Variants in MYLK4 observed in about 807,000 individuals in gnomAD.
MYLK4 encodes the protein caMLCK like.
Under a neutral mutation model 48.1 loss-of-function variants are expected in MYLK4, and 46 were observed. The ratio of observed to expected loss-of-function variants is 0.96; its 90% CI spans 0.75 to 1.22. The LOEUF is 1.22. MYLK4 is among the 50% of genes most tolerant of loss of function. The pLI is 0.00. For synonymous variants in MYLK4, 170 were observed against 180.8 expected, an observed-to-expected ratio of 0.94 and a Z score of 0.48; for missense variants, 451 against 486.1, an observed-to-expected ratio of 0.93 and a Z score of 0.68.
At chr6:2,734,858 C>T (rs1335869160) in intron 2 of MYLK4, among the ~76,000 whole-genome samples, 1 of 152,144 alleles carries the variant, frequency 6.6e-6, no homozygotes, top group Non-Finnish European at 1.5e-5. Flanking sequence ...ATGAGTCATT[C>T]AGGAACCCTG....
chr6:2,702,829 A>G (rs919250404), intron 2 of MYLK4, among the ~76,000 whole-genome samples: 7 of 152,204 alleles, frequency 4.6e-5, no homozygotes, highest in African/African-American at 1.7e-4. Context: ...CAGCTAGTAC[A>G]TACCCTCCAA....
At chr6:2,739,393 A>G (rs1763812310) in intron 2 of MYLK4, among the ~76,000 whole-genome samples, 1 of 152,168 alleles carries the variant, frequency 6.6e-6, no homozygotes, top group Admixed American at 6.5e-5. Flanking sequence ...CTTTTCCCGG[A>G]CTTTCAGTTT....
chr6:2,668,234 G>T (rs1014877070), intron 12 of MYLK4, among the ~76,000 whole-genome samples: 1 of 152,002 alleles, frequency 6.6e-6, no homozygotes, highest in Non-Finnish European at 1.5e-5. Flanking sequence ...TCTTTGTTTC[G>T]TCTGAAGTAC....
chr6:2,694,531 TAGTA>T (rs1761964841), intron 2 of MYLK4, among the ~76,000 whole-genome samples: 1 of 102,256 alleles, frequency 9.8e-6, no homozygotes, highest in Non-Finnish European at 2.1e-5. Context: ...GTGGTGGTGG[TAGTA>T]GTGTTGGTTG....
At chr6:2,686,215 C>T (rs1761541539) in intron 4 of MYLK4, among the ~76,000 whole-genome samples, 2 of 152,346 alleles carry the variant, frequency 1.3e-5, no homozygotes, top group South Asian at 2.1e-4. Context: ...CATATGCACC[C>T]TCACATTTGA....
intron 3 of MYLK4, 141 bp downstream of exon 3, chr6:2,692,641 AAG>A (rs1491391512): frequency 0.058 from 17,896 of 308,260 alleles, 79 homozygotes; most frequent in South Asian, 0.12. Context: ...AAAAAAAAAA[AAG>A]GGGGGGGGGG....
At chr6:2,715,467 T>C (rs1762834856) in intron 2 of MYLK4, among the ~76,000 whole-genome samples, 1 of 152,202 alleles carries the variant, frequency 6.6e-6, no homozygotes, top group Non-Finnish European at 1.5e-5. Context: ...ATGTTGCTGT[T>C]TGGAACCTTT....
intron 4 of MYLK4, among the ~76,000 whole-genome samples, chr6:2,686,799 C>T (rs1171459212): frequency 6.6e-6 from 1 of 152,236 alleles, no homozygotes; most frequent in Non-Finnish European, 1.5e-5. Context: ...CAATTCCAAC[C>T]TCTGCTCCAG....
In MYLK4 at chr6:2,683,177, G is replaced by C. The variant is rs528012689; in HGVS notation, c.546-15C>G. On this transcript the variant is annotated splice_polypyrimidine_tract_variant and intron_variant, in intron 6 of 12. Coordinates refer to ENST00000274643, the MANE Select transcript of MYLK4 (RefSeq NM_001012418.5). ...CACCATCCACACTGCAGAGGGAAGA[G>C]GACTGAAACCCTCAGTCCCGATTTC... 9.2e-5 allele frequency: 148 copies of C among 1,614,000 alleles called. 1 individual carries two copies. The South Asian group carries it at 1.5e-3, about 17-fold the overall frequency.
chr6:2,763,663 C>T, the MYLK4 span, among the ~76,000 whole-genome samples: 2 of 152,382 alleles, frequency 1.3e-5, no homozygotes, highest in East Asian at 1.9e-4. Context: ...CATACTTCCC[C>T]ACAAGCTGAG....
At chr6:2,765,206 C>CCCCCG in the MYLK4 span, among the ~76,000 whole-genome samples, 1 of 86,288 alleles carries the variant, frequency 1.2e-5, no homozygotes, top group Admixed American at 1.4e-4. Context: ...CCCTCCCCCG[C>CCCCCG]CCCCGCAAAG....
intron 2 of MYLK4, among the ~76,000 whole-genome samples, chr6:2,733,364 C>T (rs928422253): frequency 6.6e-6 from 1 of 152,134 alleles, no homozygotes; most frequent in African/African-American, 2.4e-5. Context: ...AACTACAGTC[C>T]CTACAGTTTT....
the MYLK4 span, among the ~76,000 whole-genome samples, chr6:2,762,174 T>C: frequency 9.9e-5 from 15 of 152,186 alleles, no homozygotes; most frequent in Non-Finnish European, 2.1e-4. Context: ...CCTCCCAAAC[T>C]GCTGGGATTA....
the MYLK4 span, among the ~76,000 whole-genome samples, chr6:2,760,629 A>T: frequency 6.6e-6 from 1 of 152,152 alleles, no homozygotes; most frequent in Non-Finnish European, 1.5e-5. Context: ...GGAGCCAGGG[A>T]GAAAGGCTGT....
At chr6:2,716,397 C>A (rs1561861082) in intron 2 of MYLK4, among the ~76,000 whole-genome samples, 1 of 152,192 alleles carries the variant, frequency 6.6e-6, no homozygotes, top group Non-Finnish European at 1.5e-5. Context: ...AAGGAAAATA[C>A]ATATATGCTG....
chr6:2,755,150 TG>T (rs1233813626), upstream of MYLK4, among the ~76,000 whole-genome samples: 3 of 152,208 alleles, frequency 2.0e-5, no homozygotes, highest in African/African-American at 7.2e-5. Flanking sequence ...GATAAAAATA[TG>T]GATTGGATCA....
intron 2 of MYLK4, among the ~76,000 whole-genome samples, chr6:2,718,342 C>T (rs1762945745): frequency 6.6e-6 from 1 of 152,202 alleles, no homozygotes; most frequent in South Asian, 2.1e-4. Flanking sequence ...TTGCTAGTAG[C>T]CTAGCCAATA....
In MYLK4 at chr6:2,679,283, A is replaced by G. The variant is rs763589941; in HGVS notation, c.884T>C (p.Met295Thr). The G allele has an allele frequency of 6.2e-7, 1 of 1,614,176 alleles. No individual in the cohort carries two copies. The highest frequency in any genetic ancestry group is 1.7e-5 in the Admixed American group (1 of 60,020). Residue 295 changes from methionine (M) to threonine (T), a missense_variant, in exon 9 of 13, where the codon ATG becomes ACG. Physicochemically the swap from Met to Thr is moderately conservative, Grantham distance 81. Coordinates refer to ENST00000274643, the MANE Select transcript of MYLK4 (RefSeq NM_001012418.5). The part of the protein sequence containing the change: ...DMWSVGVIAY[M>T]LLSGLSPFLG... ...GAGACAGAGGAGAGCTACTCACAGC[A>G]TATAGGCGATGACCCCCACACTCCA...
intron 2 of MYLK4, among the ~76,000 whole-genome samples, chr6:2,727,892 A>AG (rs1763332810): frequency 6.7e-6 from 1 of 148,900 alleles, no homozygotes; most frequent in African/African-American, 2.5e-5. Flanking sequence ...GGTTGCAGTG[A>AG]GCCGAGATCA....
Sources: allele counts gnomAD v4.1 joint callset (sites outside exome capture counted in the v4.1 genomes callset), GRCh38; gene constraint gnomAD v4.1.1; transcripts MANE v1.5; gene names NCBI Gene and HGNC (gene_info 2026-07-23, HGNC 2026-07-21).